TUBA8: variants seen among roughly 807,000 people sequenced by gnomAD.
TUBA8 encodes tubulin alpha-8 chain.
In TUBA8, 29 loss-of-function variants were observed where a neutral mutation model predicts 34.7. The observed-to-expected ratio is 0.84, with a 90% CI of 0.62 to 1.14. TUBA8 has a LOEUF of 1.14. TUBA8 is among the 50% of genes most tolerant of loss of function. TUBA8 has a pLI of 0.00. For missense variants in TUBA8, 541 were observed against 599.2 expected, an observed-to-expected ratio of 0.90 and a Z score of 1.01; for synonymous variants, 226 against 231.2, an observed-to-expected ratio of 0.98 and a Z score of 0.21.
chr22:18,121,510 C>T lies in TUBA8; in HGVS notation c.35C>T (p.Ala12Val), dbSNP rs1270367236. The stretch of plus-strand genomic sequence containing the variant: ...TGCATATCAGTCCACGTGGGCCAAG[C>T]GGGAGTTCAGATTGGCAATGCCTGC... ...RECISVHVGQ[A>V]GVQIGNACWE... The change falls in exon 2 of 5, where the codon GCG (alanine) becomes GTG (valine). Residue 12 changes from alanine (A) to valine (V), a missense_variant. Physicochemically the swap from Ala to Val is moderately conservative, Grantham distance 64. Coordinates refer to ENST00000330423, the MANE Select transcript of TUBA8 (RefSeq NM_018943.3). The surrounding 1 kb of genome is among the most constrained non-coding windows in gnomAD (Gnocchi z 4.8). 1.2e-6 allele frequency: 2 copies of T among 1,614,164 alleles called. No individual in the cohort carries two copies. Among genetic ancestry groups the T allele is most frequent in the East Asian group, 2.2e-5 (1 of 44,882 alleles).
chr22:18,126,677 G>C lies in TUBA8; in HGVS notation c.699G>C (p.Gln233His). The change falls in exon 4 of 5, where the codon CAG becomes CAC. Residue 233 changes from glutamine (Q) to histidine (H), a missense_variant. By Grantham distance (24) the Gln-to-His change is conservative (BLOSUM62 0). Transcript: ENST00000330423. The surrounding 1 kb of genome is among the most constrained non-coding windows in gnomAD (Gnocchi z 4.0). The part of the protein sequence containing the change: ...TYTNLNRLIS[Q>H]IVSSITASLR... ...CCAACCTCAACCGCCTCATCAGTCA[G>C]ATTGTGTCCTCAATCACTGCTTCTC... is the stretch of plus-strand genomic sequence containing the variant. 1 of 1,614,138 alleles carries C rather than the reference G, an allele frequency of 6.2e-7. No individual in the cohort carries two copies. The highest frequency in any genetic ancestry group is 8.5e-7 in the Non-Finnish European group (1 of 1,180,032).
In TUBA8 at chr22:18,126,166, A is replaced by G; in HGVS notation, c.376-188A>G. 1.6e-6 allele frequency: 1 copy of G among 613,400 alleles called. No homozygotes were observed. Among genetic ancestry groups the G allele is most frequent in the South Asian group, 2.0e-5 (1 of 50,422 alleles). 38.0% of individuals were successfully genotyped at this position (613,400 alleles called of 1,614,324 possible). ...GCATTGAGTCACTGTGCCTGGCCCC[A>G]TCCCATATTTTAGCCACTCCTCCAA... On this transcript the variant is annotated intron_variant, in intron 3 of 4. Transcript: ENST00000330423. This position sits in a 1 kb window ranked among gnomAD's most constrained non-coding sequence, Gnocchi z 4.0.
chr22:18,131,571 C>T lies in TUBA8; in HGVS notation c.*435C>T, dbSNP rs930538120. On this transcript the variant is annotated 3_prime_UTR_variant, in exon 5 of 5. Coordinates refer to ENST00000330423, the MANE Select transcript of TUBA8 (RefSeq NM_018943.3). This position sits in a 1 kb window ranked among gnomAD's most constrained non-coding sequence, Gnocchi z 5.3. Reference sequence around the variant, plus strand: ...CGTTCACATGAGTGGGTCTATAGCCCGCTCCGGGCATCATCTAGACTTAGC... The same window carrying T: ...CGTTCACATGAGTGGGTCTATAGCCTGCTCCGGGCATCATCTAGACTTAGC... 1.0e-4 allele frequency: 26 copies of T among 253,096 alleles called. No homozygotes were observed. The East Asian group carries it at 2.2e-3, about 22-fold the overall frequency. 15.7% of individuals were successfully genotyped at this position (253,096 alleles called of 1,614,324 possible).
chr22:18,112,230 A>G (rs1927835030), intron 1 of TUBA8: 1 of 152,212 alleles, frequency 6.6e-6, no homozygotes, highest in African/African-American at 2.4e-5. Context: ...AGATTTCATT[A>G]TTTTTAAACT....
rs544749005 is a variant in TUBA8, at chr22:18,121,733, A to G, written c.226+32A>G. The G allele has an allele frequency of 3.7e-4, 588 of 1,594,836 alleles. 5 individuals are homozygous for G. In the South Asian group the frequency reaches 5.7e-3, roughly 16 times the overall value. On this transcript the variant is annotated intron_variant, in intron 2 of 4. Coordinates refer to ENST00000330423, the MANE Select transcript of TUBA8 (RefSeq NM_018943.3). The surrounding 1 kb of genome is among the most constrained non-coding windows in gnomAD (Gnocchi z 4.8). ...GGGGGCGGAGTTCCCCTCCACAGAG[A>G]ACATCTCGAAACTGCAGAGGCATTG...
intron 4 of TUBA8, chr22:18,130,371 C>A: frequency 5.2e-6 from 1 of 191,462 alleles, no homozygotes; most frequent in Non-Finnish European, 1.1e-5. Flanking sequence ...TATACCAGCC[C>A]TGTCCTCCTT....
rs1238039681 is a variant in TUBA8 at position 18,121,969 on chromosome 22, C to CTAAA, written c.226+271_226+274dup. 1 of 493,496 alleles carries CTAAA rather than the reference C, an allele frequency of 2.0e-6. No homozygotes were observed. The highest frequency in any genetic ancestry group is 3.7e-6 in the Non-Finnish European group (1 of 272,520). The allele number at this position is 493,496 out of a possible 1,614,324, so 30.6% of individuals were successfully genotyped here. On this transcript the variant is annotated intron_variant, in intron 2 of 4. Coordinates refer to ENST00000330423, the MANE Select transcript of TUBA8 (RefSeq NM_018943.3). This position sits in a 1 kb window ranked among gnomAD's most constrained non-coding sequence, Gnocchi z 4.8. ...CCAGGTCAAAATGGTCACATCGCTA[C>CTAAA]TAAATACTAAGGATAAGAAAATCCA...
Position 18,126,972 on chromosome 22 carries a change from A to C in TUBA8, c.994A>C (p.Ile332Leu). 6.2e-7 allele frequency: 1 copy of C among 1,613,682 alleles called. No individual in the cohort carries two copies. Among genetic ancestry groups the C allele is most frequent in the East Asian group, 2.2e-5 (1 of 44,856 alleles). The part of the protein sequence containing the change: ...DVVPKDVNVA[I>L]AAIKTKRTIQ... ...GGTGCCCAAGGATGTGAATGTCGCT[A>C]TTGCTGCCATCAAGACCAAGAGGAC... The change falls in exon 4 of 5, where the codon ATT (isoleucine) becomes CTT (leucine). Residue 332 changes from isoleucine to leucine, a missense_variant. Coordinates refer to ENST00000330423, the MANE Select transcript of TUBA8 (RefSeq NM_018943.3). The surrounding 1 kb of genome is among the most constrained non-coding windows in gnomAD (Gnocchi z 4.0).
chr22:18,130,870 G>T lies in TUBA8; in HGVS notation c.1084G>T (p.Val362Leu). 1 of 1,613,922 alleles carries T rather than the reference G, an allele frequency of 6.2e-7. No homozygotes were observed. The highest frequency in any genetic ancestry group is 8.5e-7 in the Non-Finnish European group (1 of 1,180,010). The change falls in exon 5 of 5, where the codon GTG becomes TTG. Residue 362 changes from valine (V) to leucine (L), a missense_variant. Val to Leu is a conservative substitution (Grantham distance 32). Coordinates refer to ENST00000330423, the MANE Select transcript of TUBA8 (RefSeq NM_018943.3). ...GGGCATCAACTACCAGCCCCCGACC[G>T]TGGTCCCCGGGGGAGACCTGGCCAA... ...KVGINYQPPT[V>L]VPGGDLAKVQ...
rs567090235 is a variant in TUBA8, at chr22:18,126,937, G to T, written c.959G>T (p.Arg320Leu). 1.2e-6 allele frequency: 2 copies of T among 1,612,906 alleles called. No individual in the cohort carries two copies. Among genetic ancestry groups the T allele is most frequent in the Non-Finnish European group, 8.5e-7 (1 of 1,179,330 alleles). The change falls in exon 4 of 5, where the codon CGG becomes CTG. Residue 320 changes from arginine to leucine, a missense_variant. Transcript: ENST00000330423. This position sits in a 1 kb window ranked among gnomAD's most constrained non-coding sequence, Gnocchi z 4.0. ...GKYMACCMLY[R>L]GDVVPKDVNV... ...TACATGGCCTGCTGCATGCTCTACCGGGGCGACGTGGTGCCCAAGGATGTG... is the reference window on the plus strand; with the variant it reads ...TACATGGCCTGCTGCATGCTCTACCTGGGCGACGTGGTGCCCAAGGATGTG...
rs1485544039 is a variant in TUBA8 at position 18,126,886 on chromosome 22, T to C, written c.908T>C (p.Val303Ala). The C allele has an allele frequency of 6.2e-7, 1 of 1,611,730 alleles. No homozygotes were observed. Among genetic ancestry groups the C allele is most frequent in the South Asian group, 1.1e-5 (1 of 90,680 alleles). The change falls in exon 4 of 5, where the codon GTG becomes GCG. Residue 303 changes from valine (V) to alanine (A), a missense_variant. Physicochemically the swap from Val to Ala is moderately conservative, Grantham distance 64. Transcript: ENST00000330423. The surrounding 1 kb of genome is among the most constrained non-coding windows in gnomAD (Gnocchi z 4.0). ...TGCTTTGAGCCCAACAGCCAGATGG[T>C]GAAGTGCGACCCGAGACATGGCAAG... Reference protein sequence around the residue: ...SSCFEPNSQMVKCDPRHGKYM... With the variant: ...SSCFEPNSQMAKCDPRHGKYM...
At chr22:18,122,871 G>A (rs1928187874) in intron 2 of TUBA8, 1 of 151,816 alleles carries the variant, frequency 6.6e-6, no homozygotes, top group South Asian at 2.1e-4. Context: ...AGCACTTTGG[G>A]AGGCCGAGGC....
chr22:18,130,771 G>A (rs773262729), intron 4 of TUBA8, 72 bp from the exon 5 acceptor site: 12 of 1,601,328 alleles, frequency 7.5e-6, no homozygotes, highest in Non-Finnish European at 1.0e-5. Context: ...TGACCAAGAT[G>A]TCCCATCCTG....
chr22:18,131,164 C>A lies in TUBA8; in HGVS notation c.*28C>A. On this transcript the variant is annotated 3_prime_UTR_variant, in exon 5 of 5. Coordinates refer to ENST00000330423, the MANE Select transcript of TUBA8 (RefSeq NM_018943.3). This position sits in a 1 kb window ranked among gnomAD's most constrained non-coding sequence, Gnocchi z 5.3. ...ATATACCTTCCCCTTGGCTGTGTCTCTTTATTTATGCTGTGCCATTCAAAG... is the reference window on the plus strand; with the variant it reads ...ATATACCTTCCCCTTGGCTGTGTCTATTTATTTATGCTGTGCCATTCAAAG... The A allele has an allele frequency of 6.2e-7, 1 of 1,605,104 alleles. No homozygotes were observed. The highest frequency in any genetic ancestry group is 8.5e-7 in the Non-Finnish European group (1 of 1,173,286).
Position 18,126,928 on chromosome 22 carries a change from T to C in TUBA8, c.950T>C (p.Met317Thr). ...PRHGKYMACC[M>T]LYRGDVVPKD... ...CATGGCAAGTACATGGCCTGCTGCA[T>C]GCTCTACCGGGGCGACGTGGTGCCC... The change falls in exon 4 of 5, where the codon ATG becomes ACG. Residue 317 changes from methionine (M) to threonine (T), a missense_variant. Coordinates refer to ENST00000330423, the MANE Select transcript of TUBA8 (RefSeq NM_018943.3). This position sits in a 1 kb window ranked among gnomAD's most constrained non-coding sequence, Gnocchi z 4.0. 6.2e-7 allele frequency: 1 copy of C among 1,612,810 alleles called. No homozygotes were observed. The highest frequency in any genetic ancestry group is 8.5e-7 in the Non-Finnish European group (1 of 1,179,282).
chr22:18,127,683 G>A (rs893137889), intron 4 of TUBA8: 2 of 140,312 alleles, frequency 1.4e-5, no homozygotes, highest in African/African-American at 2.7e-5. Context: ...GTGAGCCACT[G>A]TGCCCGGACT....
Position 18,124,397 on chromosome 22 carries a change from A to G in TUBA8, c.375+93A>G. 7.0e-7 allele frequency: 1 copy of G among 1,418,760 alleles called. No individual in the cohort carries two copies. Among genetic ancestry groups the G allele is most frequent in the Non-Finnish European group, 9.5e-7 (1 of 1,054,816 alleles). The allele number at this position is 1,418,760 out of a possible 1,614,324, so 87.9% of individuals were successfully genotyped here. A position where few individuals can be genotyped will look rare whatever the true frequency, so the allele number is the denominator to read the frequency against. Reference sequence around the variant, plus strand: ...TGATCAGGCTAGGGAGAGGCATCTGACCCCTGGCTATAGGATGGAGCTCCT... The same window carrying G: ...TGATCAGGCTAGGGAGAGGCATCTGGCCCCTGGCTATAGGATGGAGCTCCT... On this transcript the variant is annotated intron_variant, in intron 3 of 4. Transcript: ENST00000330423. The surrounding 1 kb of genome is among the most constrained non-coding windows in gnomAD (Gnocchi z 4.3).
At position 18,110,985 on chromosome 22, in the gene TUBA8, C is replaced by T. The variant is rs1927786077; in HGVS notation, c.3+117C>T. 4 of 1,480,642 alleles carry T rather than the reference C, an allele frequency of 2.7e-6. No individual in the cohort carries two copies. The highest frequency in any genetic ancestry group is 2.0e-5 in the Admixed American group (1 of 50,656). The allele number at this position is 1,480,642 out of a possible 1,614,324, so 91.7% of individuals were successfully genotyped here. On this transcript the variant is annotated intron_variant, in intron 1 of 4. Coordinates refer to ENST00000330423, the MANE Select transcript of TUBA8 (RefSeq NM_018943.3). The surrounding 1 kb of genome is among the most constrained non-coding windows in gnomAD (Gnocchi z 6.2). ...CTGGAGCCGCAGGGCTCAAGGCCTT[C>T]TGGGGGTGGCAGTTCAGGGTCGAGG...
At chr22:18,116,616 GC>G (rs1242186232) in intron 1 of TUBA8, 1 of 152,210 alleles carries the variant, frequency 6.6e-6, no homozygotes, top group African/African-American at 2.4e-5. Flanking sequence ...CCCTTGACTG[GC>G]CCAGCTCTGG....
Sources: gnomAD v4.1 joint callset for allele counts on GRCh38, gnomAD v4.1.1 for gene constraint, Gnocchi (gnomAD v3.1) non-coding constraint, MANE v1.5 for transcripts, NCBI Gene and HGNC (gene_info 2026-07-23, HGNC 2026-07-21) for gene names.